Variants in AGO2 observed in about 807,000 individuals in gnomAD.
AGO2 encodes protein argonaute-2.
Under a neutral mutation model 102.3 loss-of-function variants are expected in AGO2, and 5 were observed. The observed-to-expected ratio is 0.05, with a 90% CI of 0.03 to 0.10. AGO2 has a LOEUF of 0.10. Among genes scored for constraint, AGO2 ranks in the 10% least tolerant of loss-of-function variants. The pLI, the probability that AGO2 is intolerant of heterozygous loss-of-function variation, is 1.00. For synonymous variants in AGO2, 449 were observed against 473.1 expected, an observed-to-expected ratio of 0.95 and a Z score of 0.66; for missense variants, 541 against 1,183.7, an observed-to-expected ratio of 0.46 and a Z score of 7.97.
chr8:140,589,268 A>C lies in AGO2; in HGVS notation c.23-3957T>G, dbSNP rs1363193621. ...GGATTCCCCGCAGACGTGTACCCTG[A>C]GGCGGGGAGAGCAGCTGCAGAAATT... On this transcript the variant is annotated intron_variant, in intron 1 of 18. Coordinates refer to ENST00000220592, the MANE Select transcript of AGO2 (RefSeq NM_012154.5). This position sits in a 1 kb window ranked among gnomAD's most constrained non-coding sequence, Gnocchi z 4.2. 1.3e-5 allele frequency among the ~76,000 whole-genome samples: 2 copies of C among 152,196 alleles called. No homozygotes were observed. The highest frequency in any genetic ancestry group is 4.8e-5 in the African/African-American group (2 of 41,458).
intron 1 of AGO2, among the ~76,000 whole-genome samples, chr8:140,627,336 C>T (rs1290930818): frequency 6.6e-6 from 1 of 152,230 alleles, no homozygotes; most frequent in Non-Finnish European, 1.5e-5. Flanking sequence ...TATTATTTTA[C>T]TCAATAAGGC....
chr8:140,578,672 C>G (rs1211150465), intron 2 of AGO2, among the ~76,000 whole-genome samples: 1 of 152,210 alleles, frequency 6.6e-6, no homozygotes. Context: ...GGGGCCCCAG[C>G]CTCTAAGAGA....
intron 16 of AGO2, among the ~76,000 whole-genome samples, chr8:140,538,224 TG>T (rs2072731474): frequency 6.6e-6 from 1 of 152,240 alleles, no homozygotes; most frequent in African/African-American, 2.4e-5. Flanking sequence ...CCTGTGTCCT[TG>T]CACAGCCGTG....
At chr8:140,533,118 G>A (rs529588767) in intron 17 of AGO2, among the ~76,000 whole-genome samples, 5 of 151,890 alleles carry the variant, frequency 3.3e-5, no homozygotes, top group South Asian at 2.1e-4. Flanking sequence ...GGCTGGGCCC[G>A]GTGGCTCACA....
intron 1 of AGO2, 66 bp downstream of exon 1, chr8:140,635,419 G>C (rs1024649985): frequency 1.0e-6 from 1 of 970,770 alleles, no homozygotes; most frequent in South Asian, 4.6e-5. Context: ...CGCCCGCGCC[G>C]GGCCCGCCAA....
At chr8:140,591,626 G>A (rs1450708209) in intron 1 of AGO2, 2 of 152,238 alleles carry the variant, frequency 1.3e-5, no homozygotes, top group Non-Finnish European at 2.9e-5. Flanking sequence ...GGAATTTCCT[G>A]TTGGGGTTTT....
intron 1 of AGO2, among the ~76,000 whole-genome samples, chr8:140,604,200 C>T (rs2073965378): frequency 6.6e-6 from 1 of 152,230 alleles, no homozygotes; most frequent in African/African-American, 2.4e-5. Context: ...TTCTCAAACT[C>T]ATCAGAATGA....
chr8:140,613,365 T>A (rs780002163), intron 1 of AGO2, among the ~76,000 whole-genome samples: 2 of 152,254 alleles, frequency 1.3e-5, no homozygotes, highest in African/African-American at 2.4e-5. Context: ...AAATTATCTT[T>A]CATAAAAACA....
At chr8:140,629,407 A>G (rs1479870294) in intron 1 of AGO2, among the ~76,000 whole-genome samples, 1 of 152,124 alleles carries the variant, frequency 6.6e-6, no homozygotes, top group Non-Finnish European at 1.5e-5. Flanking sequence ...GGGGGAAGTA[A>G]GGTTGGAGAG....
rs2072758506 is a variant in AGO2 at position 140,539,568 on chromosome 8, A to G, written c.2035-114T>C. On this transcript the variant is annotated intron_variant, in intron 15 of 18. Transcript: ENST00000220592. The surrounding 1 kb of genome is among the most constrained non-coding windows in gnomAD (Gnocchi z 4.7). ...CCAGCCGTGGTGATTCTGAGAGACA[A>G]TGAGTGTGTTCACGGGGAGGTGAAA... 3.9e-6 allele frequency: 5 copies of G among 1,286,276 alleles called. No individual in the cohort carries two copies. The highest frequency in any genetic ancestry group is 4.3e-4 in the Middle Eastern group (2 of 4,636). The allele number at this position is 1,286,276 out of a possible 1,614,324, so 79.7% of individuals were successfully genotyped here. A position where few individuals can be genotyped will look rare whatever the true frequency, so the allele number is the denominator to read the frequency against.
chr8:140,544,382 T>A, intron 13 of AGO2, 79 bp from the exon 14 acceptor site: 4 of 1,186,746 alleles, frequency 3.4e-6, no homozygotes, highest in Non-Finnish European at 3.6e-6. Flanking sequence ...CCATCACCTT[T>A]TGGAGGTGGT....
At chr8:140,546,481 C>T (rs554926401) in intron 13 of AGO2, among the ~76,000 whole-genome samples, 1 of 152,244 alleles carries the variant, frequency 6.6e-6, no homozygotes, top group East Asian at 1.9e-4. Context: ...CAGGCCTGTG[C>T]ACACAGCAGG....
intron 2 of AGO2, among the ~76,000 whole-genome samples, chr8:140,573,876 C>T (rs2073423619): frequency 6.6e-6 from 1 of 152,238 alleles, no homozygotes; most frequent in African/African-American, 2.4e-5. Context: ...GTGAGACTGG[C>T]TTGGCCTTCT....
chr8:140,522,726 G>GGA lies in AGO2; in HGVS notation c.*9316_*9317dup, dbSNP rs147783622. 0.51 allele frequency: 61,213 copies of GGA among 120,720 alleles called. 16,921 individuals are homozygous for GGA. Among genetic ancestry groups the GGA allele is most frequent in the Non-Finnish European group, 0.62 (38,227 of 61,974 alleles). 7.5% of individuals were successfully genotyped at this position (120,720 alleles called of 1,614,324 possible). A position where few individuals can be genotyped will look rare whatever the true frequency, so the allele number is the denominator to read the frequency against. ...AGAGGGAGGGGGAGGGGGGAGAGGG[G>GGA]GAGAGAGAGAGAGAGAGAGAGAGGT... On this transcript the variant is annotated 3_prime_UTR_variant, in exon 19 of 19. Transcript: ENST00000220592.
intron 2 of AGO2, among the ~76,000 whole-genome samples, chr8:140,578,598 G>T (rs943589235): frequency 3.3e-5 from 5 of 152,218 alleles, no homozygotes; most frequent in African/African-American, 1.2e-4. Context: ...TCTCAGGCTT[G>T]CCCTTGACCT....
At chr8:140,559,297 A>G (rs2073156791) in intron 6 of AGO2, 98 bp downstream of exon 6, 2 of 1,480,938 alleles carry the variant, frequency 1.4e-6, no homozygotes, top group Non-Finnish European at 1.8e-6. Context: ...CACCTCCCCA[A>G]ATGCGCACAA....
chr8:140,561,791 C>T (rs527346477), intron 4 of AGO2, among the ~76,000 whole-genome samples: 18 of 152,346 alleles, frequency 1.2e-4, no homozygotes, highest in Non-Finnish European at 2.2e-4. Context: ...GTTTTGGTTT[C>T]GGCTTTGGTT....
chr8:140,565,281 T>C (rs2073262338), intron 3 of AGO2, among the ~76,000 whole-genome samples: 1 of 148,240 alleles, frequency 6.7e-6, no homozygotes, highest in Non-Finnish European at 1.5e-5. Context: ...CTACTAAAAA[T>C]ACAAAAAATT....
chr8:140,572,914 C>A lies in AGO2; in HGVS notation c.234G>T (p.Met78Ile), dbSNP rs2073405239. ...RRVNREIVEH[M>I]VQHFKTQIFG... ...AGATCTGTGTTTTAAAGTGCTGGACCATGTGTTCCACGATTTCCCTGAAAC... is the reference window on the plus strand; with the variant it reads ...AGATCTGTGTTTTAAAGTGCTGGACAATGTGTTCCACGATTTCCCTGAAAC... The change falls in exon 3 of 19, where the codon ATG (methionine) becomes ATT (isoleucine). Residue 78 changes from methionine (M) to isoleucine (I), a missense_variant. By Grantham distance (10) the Met-to-Ile change is conservative (BLOSUM62 1). Transcript: ENST00000220592. The A allele has an allele frequency of 6.2e-7, 1 of 1,609,970 alleles. No individual in the cohort carries two copies. Among genetic ancestry groups the A allele is most frequent in the Non-Finnish European group, 8.5e-7 (1 of 1,178,760 alleles).
Sources: allele counts gnomAD v4.1 joint callset (sites outside exome capture counted in the v4.1 genomes callset), GRCh38; gene constraint gnomAD v4.1.1; non-coding constraint Gnocchi (gnomAD v3.1); transcripts MANE v1.5; gene names NCBI Gene and HGNC (gene_info 2026-07-23, HGNC 2026-07-21).